UBAP1L: variants seen among roughly 807,000 people sequenced by gnomAD.
UBAP1L encodes the protein ubiquitin-associated protein 1-like.
In UBAP1L, 32 loss-of-function variants were observed where a neutral mutation model predicts 32.1. The ratio of observed to expected loss-of-function variants is 1.00; its 90% CI spans 0.75 to 1.34. UBAP1L has a LOEUF of 1.34. Among genes scored for constraint, UBAP1L ranks in the 40% most tolerant of loss-of-function variants. The probability of loss-of-function intolerance (pLI) is 0.00; values close to 1 mark genes in which losing one functional copy is unlikely to be tolerated. For missense variants in UBAP1L, 516 were observed against 540.5 expected (o/e 0.95, Z 0.45); for synonymous variants, 243 against 250.2 (o/e 0.97, Z 0.27).
intron 5 of UBAP1L, 35 bp from the exon 6 acceptor site, chr15:65,093,266 T>C: frequency 6.6e-7 from 1 of 1,512,550 alleles, no homozygotes; most frequent in Non-Finnish European, 8.8e-7. Context: ...TGCTGGGGGC[T>C]CTGCTGGGCC....
chr15:65,097,969 A>C (rs1157807796), intron 4 of UBAP1L: 1 of 152,182 alleles, frequency 6.6e-6, no homozygotes, highest in Non-Finnish European at 1.5e-5. Context: ...ACGGGAGAAA[A>C]ATGAAAAGTG....
intron 1 of UBAP1L, among the ~76,000 whole-genome samples, chr15:65,109,888 T>C (rs879495014): frequency 6.6e-6 from 1 of 152,220 alleles, no homozygotes. Context: ...AGTCACTTAG[T>C]CAACAGTATC....
chr15:65,101,833 G>A (rs1195324984), intron 3 of UBAP1L, among the ~76,000 whole-genome samples: 1 of 152,142 alleles, frequency 6.6e-6, no homozygotes, highest in Admixed American at 6.5e-5. Context: ...ACAGGTCCTG[G>A]ATAATTAAAA....
chr15:65,102,205 CG>C lies in UBAP1L; in HGVS notation c.599del (p.Pro200ArgfsTer69), dbSNP rs1001155036. On this transcript the variant is annotated frameshift_variant, in exon 3 of 6. Transcript: ENST00000559089. LOFTEE classifies it high-confidence loss of function. This position sits in a 1 kb window ranked among gnomAD's most constrained non-coding sequence, Gnocchi z 5.0. ...PAQSPRSASP[P>X]GPAPQHPAAP... is the part of the protein sequence containing the mutation. Reference sequence around the variant, plus strand: ...CGGCGGGGTGCTGGGGCGCGGGCCCCGGGGGTGATGCAGACCTGGGGGACTG... The same window carrying C: ...CGGCGGGGTGCTGGGGCGCGGGCCCCGGGGTGATGCAGACCTGGGGGACTG... The C allele has an allele frequency of 4.1e-6, 5 of 1,207,378 alleles. No homozygotes were observed. Among genetic ancestry groups the C allele is most frequent in the African/African-American group, 1.6e-5 (1 of 62,632 alleles). The allele number at this position is 1,207,378 out of a possible 1,614,324, so 74.8% of individuals were successfully genotyped here.
intron 1 of UBAP1L, among the ~76,000 whole-genome samples, chr15:65,114,430 T>C (rs1196586790): frequency 6.6e-6 from 1 of 152,190 alleles, no homozygotes; most frequent in Non-Finnish European, 1.5e-5. Flanking sequence ...TCATTGCCTG[T>C]ATTCTGTATG....
At chr15:65,109,848 T>A (rs1223247915) in intron 1 of UBAP1L, among the ~76,000 whole-genome samples, 1 of 152,194 alleles carries the variant, frequency 6.6e-6, no homozygotes, top group Non-Finnish European at 1.5e-5. Flanking sequence ...ATGTGGAACA[T>A]CTATAACTCT....
intron 3 of UBAP1L, chr15:65,101,297 A>C (rs1001257377): frequency 6.6e-6 from 1 of 152,190 alleles, no homozygotes; most frequent in African/African-American, 2.4e-5. Context: ...TGATACTTAC[A>C]TAATTTGGAA....
chr15:65,105,017 A>G (rs1040380341), intron 2 of UBAP1L: 3 of 240,532 alleles, frequency 1.2e-5, no homozygotes, highest in East Asian at 1.5e-4. Context: ...AATGAAAAAA[A>G]AAAAAAAAAA....
At chr15:65,108,426 T>C (rs924062519) in intron 1 of UBAP1L, among the ~76,000 whole-genome samples, 2 of 152,128 alleles carry the variant, frequency 1.3e-5, no homozygotes, top group African/African-American at 4.8e-5. Context: ...GGCCTTGTAA[T>C]AGTCAAAACA....
At chr15:65,112,883 C>G (rs1160958318) in intron 1 of UBAP1L, among the ~76,000 whole-genome samples, 3 of 152,206 alleles carry the variant, frequency 2.0e-5, no homozygotes, top group Non-Finnish European at 4.4e-5. Context: ...ACCACCATCT[C>G]AAATTTCCTG....
chr15:65,105,855 A>G (rs2087303132), intron 2 of UBAP1L: 1 of 688,570 alleles, frequency 1.5e-6, no homozygotes, highest in East Asian at 2.7e-5. Flanking sequence ...CAGTGGCACA[A>G]TCTTGGTTCA....
chr15:65,105,860 G>A, intron 2 of UBAP1L: 1 of 687,340 alleles, frequency 1.5e-6, no homozygotes, highest in African/African-American at 1.7e-5. Flanking sequence ...GCACAATCTT[G>A]GTTCACTGCA....
rs2087155282 is a variant in UBAP1L at position 65,094,705 on chromosome 15, G to A, written c.910-129C>T. 1 of 720,234 alleles carries A rather than the reference G, an allele frequency of 1.4e-6. No individual in the cohort carries two copies. Among genetic ancestry groups the A allele is most frequent in the South Asian group, 1.5e-5 (1 of 65,356 alleles). The allele number at this position is 720,234 out of a possible 1,614,324, so 44.6% of individuals were successfully genotyped here. A position where few individuals can be genotyped will look rare whatever the true frequency, so the allele number is the denominator to read the frequency against. Reference sequence around the variant, plus strand: ...CAGGGCAAGCCACCACCTGCAGCGTGGCCCCAGAGAGCCCGTGAACCCACA... The same window carrying A: ...CAGGGCAAGCCACCACCTGCAGCGTAGCCCCAGAGAGCCCGTGAACCCACA... On this transcript the variant is annotated intron_variant, in intron 4 of 5. Coordinates refer to ENST00000559089, the MANE Select transcript of UBAP1L (RefSeq NM_001163692.2). This position sits in a 1 kb window ranked among gnomAD's most constrained non-coding sequence, Gnocchi z 4.2.
chr15:65,097,994 GC>G (rs1159197904), intron 4 of UBAP1L: 4 of 152,380 alleles, frequency 2.6e-5, no homozygotes, highest in Non-Finnish European at 5.9e-5. Context: ...CTACCCTGGG[GC>G]CAGCCATCAA....
At position 65,102,828 on chromosome 15, in the gene UBAP1L, A is replaced by G. The variant is rs2140565001; in HGVS notation, c.121-144T>C. 2 of 715,074 alleles carry G rather than the reference A, an allele frequency of 2.8e-6. No individual in the cohort carries two copies. Among genetic ancestry groups the G allele is most frequent in the East Asian group, 3.2e-5 (1 of 31,490 alleles). 44.3% of individuals were successfully genotyped at this position (715,074 alleles called of 1,614,324 possible). A position where few individuals can be genotyped will look rare whatever the true frequency, so the allele number is the denominator to read the frequency against. ...ATTCTGAGCCCCGGGCTTCCATCACAGCCCACTCTACCCTGGGTTTTAGCT... is the reference window on the plus strand; with the variant it reads ...ATTCTGAGCCCCGGGCTTCCATCACGGCCCACTCTACCCTGGGTTTTAGCT... On this transcript the variant is annotated intron_variant, in intron 2 of 5. Transcript: ENST00000559089. The surrounding 1 kb of genome is among the most constrained non-coding windows in gnomAD (Gnocchi z 5.0).
In UBAP1L at chr15:65,102,330, G is replaced by A. The variant is rs2087251690; in HGVS notation, c.475C>T (p.Arg159Trp). 3 of 1,451,920 alleles carry A rather than the reference G, an allele frequency of 2.1e-6. No homozygotes were observed. Among genetic ancestry groups the A allele is most frequent in the Non-Finnish European group, 9.0e-7 (1 of 1,109,986 alleles). 89.9% of individuals were successfully genotyped at this position (1,451,920 alleles called of 1,614,324 possible). The change falls in exon 3 of 6, where the codon CGG (arginine) becomes TGG (tryptophan). Residue 159 changes from arginine to tryptophan, a missense_variant. Arg to Trp is a moderately radical substitution (Grantham distance 101). Transcript: ENST00000559089. The surrounding 1 kb of genome is among the most constrained non-coding windows in gnomAD (Gnocchi z 5.0). ...RGVRLELAGA[R>W]RRLSEGKLVS... ...AGCTTCCCCTCGGAGAGCCGCCGCC[G>A]CGCCCCTGCCAGCTCCAACCGCACG...
intron 1 of UBAP1L, among the ~76,000 whole-genome samples, chr15:65,111,081 GT>G (rs2087366937): frequency 6.6e-6 from 1 of 152,146 alleles, no homozygotes; most frequent in Non-Finnish European, 1.5e-5. Context: ...GACTCAAAAG[GT>G]TTCTCCACTC....
chr15:65,093,112 C>T lies in UBAP1L; in HGVS notation c.1131G>A (p.Val377=). ...GCCTCCGTGGTCACTGGGCACAGGC[C>T]ACCAGCTCCTCCAGGGCTTGCTCTC... ...NRREQALEEL[V]ACAQ The change falls in exon 6 of 6, where the codon GTG becomes GTA. Residue 377 remains valine, a synonymous_variant. Coordinates refer to ENST00000559089, the MANE Select transcript of UBAP1L (RefSeq NM_001163692.2). 1 of 1,549,024 alleles carries T rather than the reference C, an allele frequency of 6.5e-7. No homozygotes were observed. Among genetic ancestry groups the T allele is most frequent in the Non-Finnish European group, 8.7e-7 (1 of 1,146,460 alleles).
intron 3 of UBAP1L, 69 bp from the exon 4 acceptor site, chr15:65,099,783 TA>T: frequency 1.5e-6 from 2 of 1,373,910 alleles, no homozygotes; most frequent in Non-Finnish European, 2.0e-6. Context: ...TGGACATTTT[TA>T]AAAATGCCTT....
Sources: allele counts gnomAD v4.1 joint callset (sites outside exome capture counted in the v4.1 genomes callset), GRCh38; gene constraint gnomAD v4.1.1; non-coding constraint Gnocchi (gnomAD v3.1); transcripts MANE v1.5; gene names NCBI Gene and HGNC (gene_info 2026-07-23, HGNC 2026-07-21).